Variants in CWH43 observed in about 807,000 individuals in gnomAD.
The protein encoded by CWH43 is PGAP2-interacting protein.
Under a neutral mutation model 85.7 loss-of-function variants are expected in CWH43, and 91 were observed. The ratio of observed to expected loss-of-function variants is 1.06; its 90% CI spans 0.90 to 1.26. The LOEUF (loss-of-function observed/expected upper bound fraction) is 1.26, where lower values mean the gene tolerates loss of function less well. Ranked by LOEUF, CWH43 falls within the 50% of genes most tolerant of loss-of-function variation. CWH43 has a pLI of 0.00. For synonymous variants in CWH43, 323 were observed against 293.6 expected (o/e 1.10, Z -1.02); for missense variants, 869 against 839.2 (o/e 1.04, Z -0.44).
At chr4:49,032,128 G>T (rs1270548886) in intron 11 of CWH43, among the ~76,000 whole-genome samples, 1 of 152,182 alleles carries the variant, frequency 6.6e-6, no homozygotes. Context: ...CTTAGAGTGA[G>T]GTGGAATGCC....
chr4:49,049,087 G>A lies in CWH43; in HGVS notation c.1866-1607G>A, dbSNP rs377240747. The stretch of plus-strand genomic sequence containing the variant: ...AAGGCAGTGTCTGTTAAATGGGTCA[G>A]AACTTTGATCTTAGAGATTTGGGAA... On this transcript the variant is annotated intron_variant, in intron 14 of 15. Coordinates refer to ENST00000226432, the MANE Select transcript of CWH43 (RefSeq NM_025087.3). Among the ~76,000 whole-genome samples, 7 of 152,274 alleles carry A rather than the reference G, an allele frequency of 4.6e-5. 1 individual carries two copies. The highest frequency in any genetic ancestry group is 6.5e-5 in the Admixed American group (1 of 15,278).
Position 49,007,273 on chromosome 4 carries a change from C to G in CWH43, c.1133C>G (p.Thr378Arg). 1 of 1,610,156 alleles carries G rather than the reference C, an allele frequency of 6.2e-7. No homozygotes were observed. Among genetic ancestry groups the G allele is most frequent in the Non-Finnish European group, 8.5e-7 (1 of 1,178,354 alleles). The stretch of plus-strand genomic sequence containing the variant: ...AAAAACCTTGACTTGCTTCTTCAAA[C>G]AAAAAACAGTTCTAAAGTGCTTTTC... ...PKKNLDLLLQ[T>R]KNSSKVLFRK... is the part of the protein sequence containing the mutation. The change falls in exon 8 of 16, where the codon ACA becomes AGA. Residue 378 changes from threonine to arginine, a missense_variant. By Grantham distance (71) the Thr-to-Arg change is moderately conservative (BLOSUM62 -1). Transcript: ENST00000226432.
In CWH43 at chr4:49,030,963, G is replaced by T. The variant is rs765409287; in HGVS notation, c.1508+3G>T. On this transcript the variant is annotated splice_donor_region_variant and intron_variant, in intron 11 of 15. Transcript: ENST00000226432. ...AGCACAAGGTATCACACTTGGGGGT[G>T]AGTATACCTTGGGAGTTAATCCCGA... The T allele has an allele frequency of 6.3e-7, 1 of 1,578,312 alleles. No individual in the cohort carries two copies. The highest frequency in any genetic ancestry group is 1.9e-5 in the Admixed American group (1 of 51,642).
At chr4:49,016,855 C>T (rs1362878907) in intron 8 of CWH43, 1 of 782,362 alleles carries the variant, frequency 1.3e-6, no homozygotes, top group Non-Finnish European at 2.4e-6. Context: ...TCCCCAAAGA[C>T]ATGCCTTCTC....
chr4:49,050,082 T>G (rs902353117), intron 14 of CWH43, among the ~76,000 whole-genome samples: 4 of 152,182 alleles, frequency 2.6e-5, no homozygotes, highest in Non-Finnish European at 5.9e-5. Context: ...GAAGCTGACC[T>G]AAGTCTTTTT....
At chr4:49,003,634 C>A in intron 6 of CWH43, 101 bp from the exon 7 acceptor site, 1 of 1,109,154 alleles carries the variant, frequency 9.0e-7, no homozygotes, top group Non-Finnish European at 1.3e-6. Context: ...GAGATTGGAT[C>A]AGTATACCCC....
Position 49,032,724 on chromosome 4 carries a change from C to G in CWH43, c.1658+9C>G. 6.2e-7 allele frequency: 1 copy of G among 1,613,814 alleles called. No homozygotes were observed. Among genetic ancestry groups the G allele is most frequent in the Non-Finnish European group, 8.5e-7 (1 of 1,179,728 alleles). On this transcript the variant is annotated intron_variant, in intron 12 of 15. Coordinates refer to ENST00000226432, the MANE Select transcript of CWH43 (RefSeq NM_025087.3). ...CACTTTGGGAACCACGAGTGGGTTT[C>G]TTTGGCCCACCTAATATTACACAAA...
chr4:49,056,904 A>G (rs1393884064), intron 15 of CWH43, among the ~76,000 whole-genome samples: 1 of 151,900 alleles, frequency 6.6e-6, no homozygotes, highest in Non-Finnish European at 1.5e-5. Context: ...TTCTTCTTTG[A>G]TCCATTGTCT....
intron 12 of CWH43, among the ~76,000 whole-genome samples, chr4:49,036,301 G>T (rs1053039224): frequency 6.6e-6 from 1 of 152,198 alleles, no homozygotes; most frequent in Non-Finnish European, 1.5e-5. Flanking sequence ...CATAGAGAAA[G>T]GACAGAGGAT....
intron 10 of CWH43, 60 bp downstream of exon 10, chr4:49,028,794 C>A: frequency 8.9e-7 from 1 of 1,129,466 alleles, no homozygotes; most frequent in Non-Finnish European, 1.3e-6. Context: ...CTTTTATTTT[C>A]AGCAGGGTCA....
chr4:49,032,329 A>G (rs1242750736), intron 11 of CWH43, among the ~76,000 whole-genome samples: 1 of 152,212 alleles, frequency 6.6e-6, no homozygotes, highest in African/African-American at 2.4e-5. Context: ...TCATGTGTCC[A>G]TAGCACTTAT....
chr4:49,004,000 C>T lies in CWH43; in HGVS notation c.1060+8C>T, dbSNP rs1783077326. The stretch of plus-strand genomic sequence containing the variant: ...GATCAGATGTGCTTTTGGGTGAGTA[C>T]ATTTGAAAGGTCTGGATTAAAATAA... On this transcript the variant is annotated splice_region_variant and intron_variant, in intron 7 of 15. Transcript: ENST00000226432. 9 of 1,603,110 alleles carry T rather than the reference C, an allele frequency of 5.6e-6. No individual in the cohort carries two copies. The highest frequency in any genetic ancestry group is 7.6e-6 in the Non-Finnish European group (9 of 1,176,750).
intron 8 of CWH43, among the ~76,000 whole-genome samples, chr4:49,012,789 A>AG (rs1783407098): frequency 6.6e-6 from 1 of 152,192 alleles, no homozygotes; most frequent in South Asian, 2.1e-4. Flanking sequence ...TTGCCTGGGT[A>AG]TCACCAGTGG....
At chr4:48,989,950 T>C (rs1427353931) in intron 2 of CWH43, among the ~76,000 whole-genome samples, 3 of 152,220 alleles carry the variant, frequency 2.0e-5, no homozygotes, top group African/African-American at 7.2e-5. Context: ...TGAACCACCG[T>C]AGCTCCGAGT....
chr4:49,045,632 G>T (rs73246069), intron 14 of CWH43, among the ~76,000 whole-genome samples: 3 of 152,292 alleles, frequency 2.0e-5, no homozygotes, highest in South Asian at 2.1e-4. Context: ...TAGGTGTGTA[G>T]TAGGCTATAC....
chr4:49,012,276 C>G (rs1783389877), intron 8 of CWH43, among the ~76,000 whole-genome samples: 2 of 152,222 alleles, frequency 1.3e-5, no homozygotes, highest in Non-Finnish European at 2.9e-5. Context: ...GCTATTGAAG[C>G]TTGTGCATGA....
At chr4:49,016,239 A>G (rs1413095651) in intron 8 of CWH43, among the ~76,000 whole-genome samples, 5 of 152,168 alleles carry the variant, frequency 3.3e-5, no homozygotes, top group Non-Finnish European at 7.3e-5. Flanking sequence ...AATTTTATAA[A>G]CCTTGTTATT....
At chr4:49,021,400 C>T (rs1783746374) in intron 9 of CWH43, among the ~76,000 whole-genome samples, 2 of 152,132 alleles carry the variant, frequency 1.3e-5, no homozygotes, top group African/African-American at 4.8e-5. Context: ...TACTCTGTTC[C>T]ATTGGTCTAT....
chr4:49,039,329 ATATACTGATG>A (rs1165367165), intron 13 of CWH43, among the ~76,000 whole-genome samples: 3 of 83,016 alleles, frequency 3.6e-5, no homozygotes, highest in South Asian at 3.9e-4. Flanking sequence ...ATATATATAT[ATATACTGATG>A]TATATATATA....
Sources: allele counts gnomAD v4.1 joint callset (sites outside exome capture counted in the v4.1 genomes callset), GRCh38; gene constraint gnomAD v4.1.1; transcripts MANE v1.5; gene names NCBI Gene and HGNC (gene_info 2026-07-23, HGNC 2026-07-21).